Variants in ACOT1 observed in about 807,000 individuals in gnomAD.
ACOT1 encodes acyl-coenzyme A thioesterase 1.
In ACOT1, 8 loss-of-function variants were observed where a neutral mutation model predicts 15.7. That is an observed-to-expected ratio of 0.51 (90% CI 0.30 to 0.92). The LOEUF (loss-of-function observed/expected upper bound fraction) is 0.92. ACOT1 is among the 40% of genes least tolerant of loss of function. ACOT1 has a pLI of 0.06. For missense variants in ACOT1, 151 were observed against 539.4 expected (o/e 0.28, Z 7.13); for synonymous variants, 67 against 241.2 (o/e 0.28, Z 6.69).
At chr14:73,515,344 T>C in the ACOT1 span, among the ~76,000 whole-genome samples, 5 of 152,128 alleles carry the variant, frequency 3.3e-5, no homozygotes, top group East Asian at 7.7e-4. Context: ...ATTCTTTCCT[T>C]TGAGCAAGGA....
At chr14:73,512,255 CA>C in the ACOT1 span, 1 of 1,276,360 alleles carries the variant, frequency 7.8e-7, no homozygotes, top group Non-Finnish European at 1.1e-6. Flanking sequence ...ATAATTCAAG[CA>C]AAACATTAGC....
At chr14:73,492,432 C>T in the ACOT1 span, 7 of 1,613,418 alleles carry the variant, frequency 4.3e-6, 1 homozygote, top group South Asian at 2.2e-5. The surrounding 1 kb of genome is among the most constrained non-coding windows in gnomAD (Gnocchi z 4.9). Context: ...TCTAAGGATC[C>T]GCGAAGAACC....
At chr14:73,511,864 A>C in the ACOT1 span, 1 of 854,028 alleles carries the variant, frequency 1.2e-6, no homozygotes, top group Non-Finnish European at 1.8e-6. Flanking sequence ...GCTGATAAGC[A>C]TGTATATATA....
the ACOT1 span, among the ~76,000 whole-genome samples, chr14:73,527,610 A>G: frequency 6.6e-6 from 1 of 151,932 alleles, no homozygotes; most frequent in African/African-American, 2.4e-5. Flanking sequence ...TAAAAAATGC[A>G]TTGGAGTCTC....
the ACOT1 span, among the ~76,000 whole-genome samples, chr14:73,500,295 T>C: frequency 6.0e-5 from 9 of 150,348 alleles, no homozygotes; most frequent in East Asian, 1.8e-3. Context: ...TTTTTTTTTT[T>C]AGCTCATCAA....
the ACOT1 span, among the ~76,000 whole-genome samples, chr14:73,523,653 T>C: frequency 6.6e-6 from 1 of 152,214 alleles, no homozygotes; most frequent in Admixed American, 6.5e-5. Context: ...GTCTCCTGGC[T>C]GTTCTCTGAG....
chr14:73,506,804 G>GTTTTTTTTTTTTTTTTTTTTTGT, the ACOT1 span, among the ~76,000 whole-genome samples: 1 of 80,522 alleles, frequency 1.2e-5, no homozygotes, highest in Non-Finnish European at 2.2e-5. Context: ...GACTTTAACT[G>GTTTTTTTTTTTTTTTTTTTTTGT]TTTTTTTTTT....
chr14:73,499,241 G>C, the ACOT1 span: 1 of 1,018,990 alleles, frequency 9.8e-7, no homozygotes, highest in Non-Finnish European at 1.6e-6. Context: ...AGCATTTTGG[G>C]ATGCCAAGGT....
the ACOT1 span, among the ~76,000 whole-genome samples, chr14:73,519,584 A>G: frequency 6.6e-6 from 1 of 152,102 alleles, no homozygotes; most frequent in Admixed American, 6.5e-5. Flanking sequence ...GTCTCTACAA[A>G]AAATACAAAA....
At chr14:73,524,310 A>AATATATATATATAT in the ACOT1 span, among the ~76,000 whole-genome samples, 19 of 54,760 alleles carry the variant, frequency 3.5e-4, no homozygotes, top group Admixed American at 8.4e-4. Context: ...AAAAAAAAAA[A>AATATATATATATAT]ATATATATAT....
the ACOT1 span, chr14:73,491,569 G>A: frequency 6.5e-7 from 1 of 1,541,312 alleles, no homozygotes; most frequent in Non-Finnish European, 8.7e-7. Flanking sequence ...GGGACTCCCC[G>A]CTGCGGCGCG....
chr14:73,528,392 CAAAAAAAAAAA>C, the ACOT1 span, among the ~76,000 whole-genome samples: 1 of 88,518 alleles, frequency 1.1e-5, no homozygotes, highest in Non-Finnish European at 2.0e-5. Context: ...AACTTCATCT[CAAAAAAAAAAA>C]AAAAAAAAAA....
chr14:73,509,856 ATATATATATATATT>A, the ACOT1 span, among the ~76,000 whole-genome samples: 151 of 61,310 alleles, frequency 2.5e-3, 7 homozygotes, highest in African/African-American at 9.6e-3. Context: ...ATATATATAT[ATATATATATATATT>A]TATTTATTTT....
At chr14:73,529,476 G>A in the ACOT1 span, among the ~76,000 whole-genome samples, 3 of 152,058 alleles carry the variant, frequency 2.0e-5, no homozygotes, top group Non-Finnish European at 4.4e-5. Context: ...GGGGAGGAAT[G>A]GGGTTGGAAG....
rs1444511982 is a variant in ACOT1 at position 73,539,168 on chromosome 14, G to A, written c.457+1290G>A. The stretch of plus-strand genomic sequence containing the variant: ...TGACAGTGCAGAGGTTTTGGTGCCT[G>A]CCCGCCCACCATTGCTCCAGCTGCA... On this transcript the variant is annotated intron_variant, in intron 1 of 2. Coordinates refer to ENST00000311148, the MANE Select transcript of ACOT1 (RefSeq NM_001037161.2). The A allele has an allele frequency of 1.8e-5, 2 of 113,924 alleles. 1 individual carries two copies. The highest frequency in any genetic ancestry group is 3.8e-5 in the Non-Finnish European group (2 of 52,312). 7.1% of individuals were successfully genotyped at this position (113,924 alleles called of 1,614,324 possible). A position where few individuals can be genotyped will look rare whatever the true frequency, so the allele number is the denominator to read the frequency against.
chr14:73,507,726 A>G, the ACOT1 span, among the ~76,000 whole-genome samples: 2 of 151,486 alleles, frequency 1.3e-5, no homozygotes, highest in Admixed American at 6.6e-5. Flanking sequence ...GTGAGCGACC[A>G]TGCCCAGCCC....
chr14:73,511,537 AAAT>A, the ACOT1 span, among the ~76,000 whole-genome samples: 1 of 122,660 alleles, frequency 8.2e-6, no homozygotes, highest in Admixed American at 7.9e-5. Context: ...ATAAATAAAT[AAAT>A]AAATAAATAA....
At chr14:73,492,737 TC>T in the ACOT1 span, 1 of 1,613,924 alleles carries the variant, frequency 6.2e-7, no homozygotes, top group Non-Finnish European at 8.5e-7. The surrounding 1 kb of genome is among the most constrained non-coding windows in gnomAD (Gnocchi z 4.9). Flanking sequence ...AGTGGAAAAC[TC>T]CCGTGTGTAT....
chr14:73,508,048 G>T, the ACOT1 span: 1 of 1,289,080 alleles, frequency 7.8e-7, no homozygotes, highest in Non-Finnish European at 1.1e-6. Flanking sequence ...CCCGGCCCCA[G>T]CTGCATTTCA....
Sources: gnomAD v4.1 joint callset for allele counts (sites outside exome capture counted in the v4.1 genomes callset) on GRCh38, gnomAD v4.1.1 for gene constraint, Gnocchi (gnomAD v3.1) non-coding constraint, MANE v1.5 for transcripts, NCBI Gene and HGNC (gene_info 2026-07-23, HGNC 2026-07-21) for gene names.